PDILT: variants seen among roughly 807,000 people sequenced by gnomAD.
The protein encoded by PDILT is protein disulfide-isomerase-like protein of the testis.
A neutral mutation model predicts 53.7 loss-of-function variants in PDILT; 43 were observed. That is an observed-to-expected ratio of 0.80 (90% CI 0.63 to 1.03). PDILT has a LOEUF of 1.03. Among genes scored for constraint, PDILT ranks in the 50% least tolerant of loss-of-function variants. The pLI, the probability that PDILT is intolerant of heterozygous loss-of-function variation, is 0.00. For synonymous variants in PDILT, 282 were observed against 274.2 expected (o/e 1.03, Z -0.28); for missense variants, 727 against 712.3 (o/e 1.02, Z -0.24).
At chr16:20,389,690 C>G (rs989185143) in intron 2 of PDILT, among the ~76,000 whole-genome samples, 12 of 151,958 alleles carry the variant, frequency 7.9e-5, no homozygotes, top group African/African-American at 2.7e-4. Flanking sequence ...GTGTTAATGG[C>G]TGATGGACCT....
In PDILT at chr16:20,365,404, T is replaced by A. The variant is rs1966174741; in HGVS notation, c.1237+16A>T. ...TTGGCACCCGTTGCCTCAGAACCCCTCTTGGAGATACTTACAGAACATCAC... is the reference window on the plus strand; with the variant it reads ...TTGGCACCCGTTGCCTCAGAACCCCACTTGGAGATACTTACAGAACATCAC... On this transcript the variant is annotated intron_variant, in intron 9 of 11. Coordinates refer to ENST00000302451, the MANE Select transcript of PDILT (RefSeq NM_174924.2). The A allele has an allele frequency of 6.2e-7, 1 of 1,613,360 alleles. No individual in the cohort carries two copies. Among genetic ancestry groups the A allele is most frequent in the Non-Finnish European group, 8.5e-7 (1 of 1,179,374 alleles).
chr16:20,359,576 G>C lies in PDILT; in HGVS notation c.1507-9C>G, dbSNP rs780570803. ...TGCTCAACAGACAACAGCTATGAAAGCAAAGGTGGAAGGAAGAAGGGAGGG... is the reference window on the plus strand; with the variant it reads ...TGCTCAACAGACAACAGCTATGAAACCAAAGGTGGAAGGAAGAAGGGAGGG... On this transcript the variant is annotated splice_polypyrimidine_tract_variant and intron_variant, in intron 11 of 11. Coordinates refer to ENST00000302451, the MANE Select transcript of PDILT (RefSeq NM_174924.2). 9 of 1,611,318 alleles carry C rather than the reference G, an allele frequency of 5.6e-6. No homozygotes were observed. In the African/African-American group the frequency reaches 1.2e-4, roughly 22 times the overall value.
chr16:20,402,337 C>T (rs964632820), intron 1 of PDILT, among the ~76,000 whole-genome samples: 2 of 149,656 alleles, frequency 1.3e-5, no homozygotes, highest in Non-Finnish European at 3.0e-5. Context: ...CTCGCTCTGT[C>T]GCCCAGGCTG....
intron 1 of PDILT, among the ~76,000 whole-genome samples, chr16:20,402,746 A>T (rs1373449182): frequency 6.6e-6 from 1 of 152,160 alleles, no homozygotes; most frequent in East Asian, 1.9e-4. Context: ...TTTTTCTCCC[A>T]ATCTCTCCCA....
rs539440383 is a variant in PDILT, at chr16:20,384,719, T to A, written c.335A>T (p.Glu112Val). ...DITIEKELQQEFGITKAPELK... is the reference protein window; with the variant it reads ...DITIEKELQQVFGITKAPELK... Reference sequence around the variant, plus strand: ...CTCCGGGGCCTTGGTAATCCCAAACTCCTGCTGAAGCTCCTTCTCTATGGT... The same window carrying A: ...CTCCGGGGCCTTGGTAATCCCAAACACCTGCTGAAGCTCCTTCTCTATGGT... The change falls in exon 3 of 12, where the codon GAG becomes GTG. Residue 112 changes from glutamate to valine, a missense_variant. By Grantham distance (121) the Glu-to-Val change is moderately radical. Transcript: ENST00000302451. 1 of 1,614,136 alleles carries A rather than the reference T, an allele frequency of 6.2e-7. No individual in the cohort carries two copies. Among genetic ancestry groups the A allele is most frequent in the Non-Finnish European group, 8.5e-7 (1 of 1,180,012 alleles).
At chr16:20,368,603 G>A (rs960383044) in intron 8 of PDILT, among the ~76,000 whole-genome samples, 1 of 109,632 alleles carries the variant, frequency 9.1e-6, no homozygotes, top group Non-Finnish European at 2.3e-5. Flanking sequence ...ACTTTTTTTG[G>A]GGGGGTGGTG....
chr16:20,392,666 T>C (rs972999610), intron 2 of PDILT, among the ~76,000 whole-genome samples: 11 of 152,208 alleles, frequency 7.2e-5, no homozygotes, highest in Admixed American at 4.6e-4. Flanking sequence ...ATGAGATTAA[T>C]TGAGTGTCCC....
rs112557013 is a variant in PDILT at position 20,394,858 on chromosome 16, C to T, written c.202+4241G>A. Among the ~76,000 whole-genome samples the T allele has an allele frequency of 5.3e-3, 811 of 152,262 alleles. 16 individuals are homozygous for T. The South Asian group carries it at 0.061, about 12-fold the overall frequency. On this transcript the variant is annotated intron_variant, in intron 2 of 11. Coordinates refer to ENST00000302451, the MANE Select transcript of PDILT (RefSeq NM_174924.2). ...TCCTAGGTAGAAGGAGACTGGTTGC[C>T]TGAATGATTGTATGGAGCAGAGCTT... is the stretch of plus-strand genomic sequence containing the variant.
intron 9 of PDILT, 51 bp from the exon 10 acceptor site, chr16:20,362,633 G>A (rs751245589): frequency 1.4e-5 from 22 of 1,586,260 alleles, no homozygotes; most frequent in African/African-American, 1.3e-5. Context: ...GATCCAGAAA[G>A]CTGGCGCCAC....
In PDILT at chr16:20,384,874, T is replaced by A. The variant is rs79082413; in HGVS notation, c.203-23A>T. On this transcript the variant is annotated intron_variant, in intron 2 of 11. Coordinates refer to ENST00000302451, the MANE Select transcript of PDILT (RefSeq NM_174924.2). ...TGTCTGAAAGAGTATGAAGACAAAA[T>A]TTGAGAGGCCTTTCCTCGCTCCCCA... The A allele has an allele frequency of 4.0e-3, 6,441 of 1,608,902 alleles. 212 individuals are homozygous for A. The African/African-American group carries it at 0.073, about 18-fold the overall frequency.
chr16:20,369,832 G>T, intron 7 of PDILT, 143 bp from the exon 8 acceptor site: 1 of 768,910 alleles, frequency 1.3e-6, no homozygotes, highest in Non-Finnish European at 2.1e-6. Flanking sequence ...GTGGAGCTCT[G>T]CACCGAAATG....
intron 7 of PDILT, among the ~76,000 whole-genome samples, chr16:20,371,948 C>T (rs1380552521): frequency 6.6e-6 from 1 of 151,724 alleles, no homozygotes; most frequent in Non-Finnish European, 1.5e-5. Flanking sequence ...GTGTTATATT[C>T]TAGTGGCTTT....
At chr16:20,400,866 T>C (rs1384166025) in intron 1 of PDILT, among the ~76,000 whole-genome samples, 1 of 152,214 alleles carries the variant, frequency 6.6e-6, no homozygotes, top group East Asian at 1.9e-4. Context: ...TCATACTTAA[T>C]GAAATGCACA....
intron 7 of PDILT, among the ~76,000 whole-genome samples, chr16:20,372,466 A>G (rs1033187052): frequency 3.3e-5 from 5 of 152,222 alleles, no homozygotes; most frequent in African/African-American, 4.8e-5. Context: ...AGGCCAAATG[A>G]TACCACTCTT....
chr16:20,365,664 G>T, intron 8 of PDILT, 124 bp from the exon 9 acceptor site: 1 of 1,260,570 alleles, frequency 7.9e-7, no homozygotes. Flanking sequence ...CCTTAGGAAA[G>T]GGTTTGAAAT....
At chr16:20,396,400 G>C (rs1966663386) in intron 2 of PDILT, among the ~76,000 whole-genome samples, 1 of 152,158 alleles carries the variant, frequency 6.6e-6, no homozygotes, top group Admixed American at 6.5e-5. Context: ...CTTGGCATGA[G>C]GTCTTTGATT....
chr16:20,404,152 T>A (rs1966784307), intron 1 of PDILT, among the ~76,000 whole-genome samples: 1 of 152,194 alleles, frequency 6.6e-6, no homozygotes. Flanking sequence ...TCAATGAATG[T>A]TTGTTGAATG....
intron 3 of PDILT, among the ~76,000 whole-genome samples, chr16:20,378,742 T>C (rs998743053): frequency 2.0e-5 from 3 of 152,320 alleles, no homozygotes; most frequent in East Asian, 3.9e-4. Flanking sequence ...CTGAGAATGA[T>C]GACTTCCAGC....
chr16:20,402,720 T>C (rs1966759449), intron 1 of PDILT, among the ~76,000 whole-genome samples: 1 of 152,244 alleles, frequency 6.6e-6, no homozygotes, highest in Non-Finnish European at 1.5e-5. Flanking sequence ...ATAGTCTCTC[T>C]CTGCCCTGCT....
Sources: gnomAD v4.1 joint callset for allele counts (sites outside exome capture counted in the v4.1 genomes callset) on GRCh38, gnomAD v4.1.1 for gene constraint, MANE v1.5 for transcripts, NCBI Gene and HGNC (gene_info 2026-07-23, HGNC 2026-07-21) for gene names.